Variants in ZNF469 observed in about 807,000 individuals in gnomAD.
ZNF469 encodes zinc finger protein 469.
A neutral mutation model predicts 1.0 loss-of-function variants in ZNF469; 1 was observed. The ratio of observed to expected loss-of-function variants is 1.00; its 90% CI spans 0.35 to 4.73. ZNF469 has a LOEUF of 4.73. Ranked by LOEUF, ZNF469 falls within the 30% of genes most tolerant of loss-of-function variation. The probability of loss-of-function intolerance (pLI) is 0.16; values close to 1 mark genes in which losing one functional copy is unlikely to be tolerated. For synonymous variants in ZNF469, 2,703 were observed against 2,363.4 expected, an observed-to-expected ratio of 1.14 and a Z score of -4.17; for missense variants, 6,100 against 5,356.3, an observed-to-expected ratio of 1.14 and a Z score of -4.33.
At chr16:88,304,711 T>C in the ZNF469 span, among the ~76,000 whole-genome samples, 3 of 152,170 alleles carry the variant, frequency 2.0e-5, no homozygotes, top group Non-Finnish European at 2.9e-5. Flanking sequence ...AGTGTTTTAT[T>C]CCTCCCAAAG....
chr16:88,164,022 T>C, the ZNF469 span, among the ~76,000 whole-genome samples: 1 of 150,728 alleles, frequency 6.6e-6, no homozygotes, highest in South Asian at 2.1e-4. Flanking sequence ...GGTAGATGGA[T>C]GAATGGATGG....
At chr16:88,276,732 C>A in the ZNF469 span, among the ~76,000 whole-genome samples, 3 of 152,212 alleles carry the variant, frequency 2.0e-5, no homozygotes, top group African/African-American at 4.8e-5. Flanking sequence ...ACCACGCTGA[C>A]ACTCAGTCAG....
chr16:88,227,028 G>A, the ZNF469 span, among the ~76,000 whole-genome samples: 6 of 143,350 alleles, frequency 4.2e-5, no homozygotes, highest in African/African-American at 1.6e-4. Flanking sequence ...GGGCCTGCGC[G>A]TTTCCACCCG....
chr16:88,300,389 G>A, the ZNF469 span, among the ~76,000 whole-genome samples: 1 of 152,086 alleles, frequency 6.6e-6, no homozygotes, highest in Non-Finnish European at 1.5e-5. Flanking sequence ...CTTCAGTCCA[G>A]GTCCTCGGAT....
chr16:88,394,568 C>G (rs1904601196), intron 1 of ZNF469, among the ~76,000 whole-genome samples: 1 of 152,220 alleles, frequency 6.6e-6, no homozygotes, highest in African/African-American at 2.4e-5. Context: ...CCTTGAAGGA[C>G]AGGCCTGTGG....
intron 1 of ZNF469, among the ~76,000 whole-genome samples, chr16:88,413,772 C>A (rs1342653970): frequency 6.6e-6 from 1 of 152,122 alleles, no homozygotes; most frequent in Admixed American, 6.5e-5. Context: ...AGCTCCTGGG[C>A]TCCGCGCCTC....
At chr16:88,117,776 G>A in the ZNF469 span, among the ~76,000 whole-genome samples, 2 of 152,236 alleles carry the variant, frequency 1.3e-5, no homozygotes, top group South Asian at 2.1e-4. Flanking sequence ...CCGGTCGTGT[G>A]CAAGTGACCT....
chr16:88,190,171 A>G, the ZNF469 span, among the ~76,000 whole-genome samples: 743 of 152,298 alleles, frequency 4.9e-3, 7 homozygotes, highest in African/African-American at 0.017. Context: ...ACGAGGCCAA[A>G]ACCTTCTCAT....
chr16:88,224,741 ATATG>A, the ZNF469 span, among the ~76,000 whole-genome samples: 1 of 151,720 alleles, frequency 6.6e-6, no homozygotes, highest in African/African-American at 2.4e-5. Context: ...AAGTACGTAC[ATATG>A]TAAGTGTGCA....
chr16:88,359,414 T>C, the ZNF469 span, among the ~76,000 whole-genome samples: 1 of 152,010 alleles, frequency 6.6e-6, no homozygotes, highest in Non-Finnish European at 1.5e-5. Context: ...GGGCTCGGTA[T>C]CCTGCCCACA....
chr16:88,221,333 TGCTTCCCC>T, the ZNF469 span, among the ~76,000 whole-genome samples: 4 of 152,184 alleles, frequency 2.6e-5, no homozygotes, highest in African/African-American at 9.7e-5. Context: ...GCAGAGGAAA[TGCTTCCCC>T]ACTTGTAAAA....
chr16:88,248,539 AC>A, the ZNF469 span, among the ~76,000 whole-genome samples: 1 of 152,316 alleles, frequency 6.6e-6, no homozygotes, highest in South Asian at 2.1e-4. Context: ...TCTCAAAAAA[AC>A]AATTCCCCCC....
At chr16:88,381,381 C>T (rs1194690675), upstream of ZNF469, among the ~76,000 whole-genome samples, 2 of 146,770 alleles carry the variant, frequency 1.4e-5, 1 homozygote. Context: ...CACACAGAGA[C>T]ATGCATTCAC....
chr16:88,218,386 G>T, the ZNF469 span, among the ~76,000 whole-genome samples: 3 of 149,778 alleles, frequency 2.0e-5, no homozygotes, highest in African/African-American at 4.9e-5. Flanking sequence ...CTCCCATTTT[G>T]TAGGTTGCCT....
chr16:88,172,749 A>G, the ZNF469 span, among the ~76,000 whole-genome samples: 1 of 152,346 alleles, frequency 6.6e-6, no homozygotes, highest in South Asian at 2.1e-4. Context: ...ATGGTCATGT[A>G]AGGAGAGAAA....
chr16:88,413,568 G>A (rs939294034), intron 1 of ZNF469, among the ~76,000 whole-genome samples: 1 of 152,394 alleles, frequency 6.6e-6, no homozygotes, highest in African/African-American at 2.4e-5. Context: ...GGCCTCTGGA[G>A]AAGTGATTCC....
chr16:88,327,008 G>A, the ZNF469 span, among the ~76,000 whole-genome samples: 1 of 152,164 alleles, frequency 6.6e-6, no homozygotes, highest in Admixed American at 6.5e-5. Context: ...CTGTCTCCTG[G>A]GTCAGGGCGG....
chr16:88,202,532 C>G, the ZNF469 span, among the ~76,000 whole-genome samples: 2 of 152,224 alleles, frequency 1.3e-5, no homozygotes, highest in African/African-American at 4.8e-5. Context: ...CATCATCATT[C>G]TCCCAGGCAG....
At chr16:88,355,433 T>C in the ZNF469 span, among the ~76,000 whole-genome samples, 1 of 152,216 alleles carries the variant, frequency 6.6e-6, no homozygotes, top group Non-Finnish European at 1.5e-5. Context: ...ATCAGCTCCA[T>C]GTTCATCTTC....
Sources: allele counts gnomAD v4.1 joint callset (sites outside exome capture counted in the v4.1 genomes callset), GRCh38; gene constraint gnomAD v4.1.1; transcripts MANE v1.5; gene names NCBI Gene and HGNC (gene_info 2026-07-23, HGNC 2026-07-21).